Variants in RHBDD3 observed in about 807,000 individuals in gnomAD.
RHBDD3 encodes the protein rhomboid domain-containing protein 3.
In RHBDD3, 34 loss-of-function variants were observed where a neutral mutation model predicts 32.3. The ratio of observed to expected loss-of-function variants is 1.05; its 90% CI spans 0.80 to 1.40. The LOEUF is 1.40. Among genes scored for constraint, RHBDD3 ranks in the 40% most tolerant of loss-of-function variants. The pLI, the probability that RHBDD3 is intolerant of heterozygous loss-of-function variation, is 0.00. For synonymous variants in RHBDD3, 249 were observed against 239.1 expected (o/e 1.04, Z -0.38); for missense variants, 482 against 492.6 (o/e 0.98, Z 0.20).
In RHBDD3 at chr22:29,263,334, C is replaced by T. The variant is rs754821583; in HGVS notation, c.532+501G>A. 2.6e-3 allele frequency among the ~76,000 whole-genome samples: 401 copies of T among 152,222 alleles called. 3 individuals are homozygous for T. Among genetic ancestry groups the T allele is most frequent in the Non-Finnish European group, 3.2e-3 (216 of 68,014 alleles). Reference sequence around the variant, plus strand: ...TTGGGATTACAGGCATGAGCCATCGCGCCTGGCCTAATTTTTTTATTTTTA... The same window carrying T: ...TTGGGATTACAGGCATGAGCCATCGTGCCTGGCCTAATTTTTTTATTTTTA... On this transcript the variant is annotated intron_variant, in intron 4 of 6. Coordinates refer to ENST00000216085, the MANE Select transcript of RHBDD3 (RefSeq NM_012265.3).
At chr22:29,266,905 C>G (rs976574367) in intron 2 of RHBDD3, among the ~76,000 whole-genome samples, 6 of 152,342 alleles carry the variant, frequency 3.9e-5, no homozygotes, top group African/African-American at 1.4e-4. Flanking sequence ...CCTATTTCAC[C>G]CTTGGAAGCC....
At position 29,260,031 on chromosome 22, in the gene RHBDD3, G is replaced by A; in HGVS notation, c.*29C>T. 1 of 1,547,922 alleles carries A rather than the reference G, an allele frequency of 6.5e-7. No individual in the cohort carries two copies. The highest frequency in any genetic ancestry group is 8.7e-7 in the Non-Finnish European group (1 of 1,146,336). On this transcript the variant is annotated 3_prime_UTR_variant, in exon 7 of 7. Transcript: ENST00000216085. ...GCAGCCCAGCCCTTAGCACCCAAGG[G>A]CCTGCCTGTGCCCCACTCTCTGCCT...
Position 29,265,724 on chromosome 22 carries a change from A to G in RHBDD3, c.-42-56T>C, listed in dbSNP as rs538936599. 5.6e-6 allele frequency: 8 copies of G among 1,438,570 alleles called. No homozygotes were observed. The East Asian group carries it at 2.2e-4, about 40-fold the overall frequency. The allele number at this position is 1,438,570 out of a possible 1,614,324, so 89.1% of individuals were successfully genotyped here. A position where few individuals can be genotyped will look rare whatever the true frequency, so the allele number is the denominator to read the frequency against. ...TTACTGGAGCTTTTATCTCACCAATACCCTCTCAAGCACCTTATCAACAGC... is the reference window on the plus strand; with the variant it reads ...TTACTGGAGCTTTTATCTCACCAATGCCCTCTCAAGCACCTTATCAACAGC... On this transcript the variant is annotated intron_variant, in intron 2 of 6. Transcript: ENST00000216085.
intron 2 of RHBDD3, among the ~76,000 whole-genome samples, chr22:29,266,259 T>C (rs1433581253): frequency 6.6e-6 from 1 of 152,212 alleles, no homozygotes; most frequent in African/African-American, 2.4e-5. Flanking sequence ...CCTCTGGCCC[T>C]GGCTCCCCTT....
chr22:29,262,594 A>C (rs1246937765), intron 4 of RHBDD3, among the ~76,000 whole-genome samples: 2 of 152,248 alleles, frequency 1.3e-5, no homozygotes, highest in Non-Finnish European at 2.9e-5. Context: ...AAGACAGCTG[A>C]GATTTTGATA....
Position 29,263,968 on chromosome 22 carries a change from T to C in RHBDD3, c.399A>G (p.Gly133=). The C allele has an allele frequency of 6.4e-7, 1 of 1,550,786 alleles. No homozygotes were observed. Residue 133 remains glycine (G), a synonymous_variant, in exon 4 of 7, where the codon GGA becomes GGG. Coordinates refer to ENST00000216085, the MANE Select transcript of RHBDD3 (RefSeq NM_012265.3). ...PVHLAMLAGE[G]HRPRRPRGAL... ...CCCCACGGGGCCGTCTAGGGCGGTG[T>C]CCCTCCCCAGCCAGCATGGCCAGGT... is the stretch of plus-strand genomic sequence containing the variant.
chr22:29,264,817 A>G (rs940111565), intron 3 of RHBDD3, among the ~76,000 whole-genome samples: 6 of 151,818 alleles, frequency 4.0e-5, no homozygotes, highest in Admixed American at 2.6e-4. Context: ...TCACTCTGTC[A>G]CCCAGGCTGG....
chr22:29,263,698 C>CA, intron 4 of RHBDD3, 137 bp downstream of exon 4: 3 of 1,396,070 alleles, frequency 2.1e-6, no homozygotes, highest in Non-Finnish European at 2.8e-6. Flanking sequence ...GAGGAAGACT[C>CA]AGAGAAGCTC....
rs1194403558 is a variant in RHBDD3, at chr22:29,267,911, G to C, written c.-358C>G. ...GCGCGCCACCCATTCCCCGCGGCCCGCGGATTAGTCAGCAGTTGTTCTAGT... is the reference window on the plus strand; with the variant it reads ...GCGCGCCACCCATTCCCCGCGGCCCCCGGATTAGTCAGCAGTTGTTCTAGT... On this transcript the variant is annotated 5_prime_UTR_variant, in exon 1 of 7. Transcript: ENST00000216085. 4.3e-6 allele frequency: 1 copy of C among 235,116 alleles called. No individual in the cohort carries two copies. Among genetic ancestry groups the C allele is most frequent in the African/African-American group, 2.2e-5 (1 of 45,156 alleles). 14.6% of individuals were successfully genotyped at this position (235,116 alleles called of 1,614,324 possible).
At chr22:29,262,212 C>G (rs1288113321) in intron 4 of RHBDD3, among the ~76,000 whole-genome samples, 2 of 141,906 alleles carry the variant, frequency 1.4e-5, no homozygotes, top group Non-Finnish European at 3.0e-5. Context: ...GCAATCTCAG[C>G]TCACTGCAAC....
intron 2 of RHBDD3, among the ~76,000 whole-genome samples, chr22:29,266,037 CCT>C (rs771580593): frequency 3.0e-4 from 45 of 152,252 alleles, no homozygotes; most frequent in Non-Finnish European, 6.0e-4. Flanking sequence ...CCTCCCCTCC[CCT>C]GTTCCCAGCC....
chr22:29,262,452 T>C (rs2058130973), intron 4 of RHBDD3, among the ~76,000 whole-genome samples: 1 of 152,210 alleles, frequency 6.6e-6, no homozygotes, highest in African/African-American at 2.4e-5. Context: ...TTTGTAGTTT[T>C]AAGTTTTGAA....
At chr22:29,265,274 G>A (rs912718096) in intron 3 of RHBDD3, 4 of 434,300 alleles carry the variant, frequency 9.2e-6, no homozygotes, top group African/African-American at 8.2e-5. Flanking sequence ...CTACCCATAG[G>A]TTCCAGCCCA....
intron 4 of RHBDD3, among the ~76,000 whole-genome samples, chr22:29,262,898 C>T (rs532987716): frequency 1.3e-5 from 2 of 150,180 alleles, no homozygotes; most frequent in South Asian, 4.2e-4. Flanking sequence ...GGTTTGAGAC[C>T]GGAGTCTCAC....
At chr22:29,263,794 C>T (rs2058145628) in intron 4 of RHBDD3, 41 bp downstream of exon 4, 3 of 1,473,548 alleles carry the variant, frequency 2.0e-6, no homozygotes, top group Admixed American at 4.9e-5. Flanking sequence ...ACCCACAGAA[C>T]CCACACATCC....
At position 29,267,818 on chromosome 22, in the gene RHBDD3, G is replaced by A. The variant is rs753696238; in HGVS notation, c.-265C>T. The A allele has an allele frequency of 1.1e-5, 2 of 187,922 alleles. No individual in the cohort carries two copies. The highest frequency in any genetic ancestry group is 1.1e-5 in the Non-Finnish European group (1 of 88,016). 11.6% of individuals were successfully genotyped at this position (187,922 alleles called of 1,614,324 possible). On this transcript the variant is annotated 5_prime_UTR_variant, in exon 1 of 7. Transcript: ENST00000216085. Reference sequence around the variant, plus strand: ...GCTGGGAGTCAGGACTCTAGCTCCCGGGCGCGACCCGAGAACCCTGAATCC... The same window carrying A: ...GCTGGGAGTCAGGACTCTAGCTCCCAGGCGCGACCCGAGAACCCTGAATCC...
intron 4 of RHBDD3, among the ~76,000 whole-genome samples, chr22:29,263,094 G>C (rs1244677774): frequency 1.3e-5 from 2 of 151,982 alleles, no homozygotes; most frequent in Non-Finnish European, 2.9e-5. Flanking sequence ...GCCCAGGCTG[G>C]AGTGCAGTGG....
In RHBDD3 at chr22:29,264,087, C is replaced by A; in HGVS notation, c.280G>T (p.Ala94Ser). Residue 94 changes from alanine (A) to serine (S), a missense_variant, in exon 4 of 7, where the codon GCC becomes TCC. Coordinates refer to ENST00000216085, the MANE Select transcript of RHBDD3 (RefSeq NM_012265.3). ...AGCCCAGAAGCCAGGGCGAGCAGGG[C>A]TGAGGCATGCAGGAATCTCAGCGTG... ...LGTLRFLHASALLALASGLLA... is the reference protein window; with the variant it reads ...LGTLRFLHASSLLALASGLLA... 1 of 1,585,146 alleles carries A rather than the reference C, an allele frequency of 6.3e-7. No individual in the cohort carries two copies. Among genetic ancestry groups the A allele is most frequent in the South Asian group, 1.2e-5 (1 of 86,662 alleles).
chr22:29,265,593 G>C lies in RHBDD3; in HGVS notation c.34C>G (p.Pro12Ala). The change falls in exon 3 of 7, where the codon CCA becomes GCA. Residue 12 changes from proline to alanine, a missense_variant. Physicochemically the swap from Pro to Ala is conservative, Grantham distance 27. Coordinates refer to ENST00000216085, the MANE Select transcript of RHBDD3 (RefSeq NM_012265.3). ...ACTGAGGAGGCCAGAGGCAGTGCTG[G>C]GGACAGTTGGCCATGGGGGCCCCTG... ...HARGPHGQLS[P>A]ALPLASSVLM... 6.3e-7 allele frequency: 1 copy of C among 1,591,872 alleles called. No homozygotes were observed. The highest frequency in any genetic ancestry group is 8.5e-7 in the Non-Finnish European group (1 of 1,171,834).
Sources: gnomAD v4.1 joint callset for allele counts (sites outside exome capture counted in the v4.1 genomes callset) on GRCh38, gnomAD v4.1.1 for gene constraint, MANE v1.5 for transcripts, NCBI Gene and HGNC (gene_info 2026-07-23, HGNC 2026-07-21) for gene names.